Variants in DLGAP2 observed in about 807,000 individuals in gnomAD.
DLGAP2 encodes DLG associated protein 2.
DLGAP2 carries 26 observed loss-of-function variants against 100.3 expected under a neutral mutation model. That is an observed-to-expected ratio of 0.26 (90% confidence interval 0.19 to 0.36). The LOEUF (loss-of-function observed/expected upper bound fraction) is 0.36, where lower values mean the gene tolerates loss of function less well. Among genes scored for constraint, DLGAP2 ranks in the 10% least tolerant of loss-of-function variants. DLGAP2 has a pLI of 1.00. For missense variants in DLGAP2, 1,858 were observed against 1,453.2 expected (o/e 1.28, Z -4.53); for synonymous variants, 886 against 630.1 (o/e 1.41, Z -6.08).
intron 2 of DLGAP2, among the ~76,000 whole-genome samples, chr8:1,179,146 G>A (rs1257813080): frequency 2.0e-5 from 3 of 152,098 alleles, no homozygotes; most frequent in Admixed American, 6.5e-5. Context: ...GTGTTTCAGG[G>A]ACTTAATTTC....
intron 2 of DLGAP2, among the ~76,000 whole-genome samples, chr8:1,107,799 T>A (rs1804825884): frequency 6.6e-6 from 1 of 152,224 alleles, no homozygotes; most frequent in Admixed American, 6.5e-5. Flanking sequence ...CATCCTATGC[T>A]GTGTTTCCAC....
At chr8:912,225 G>A (rs1008121317) in intron 2 of DLGAP2, among the ~76,000 whole-genome samples, 5 of 152,114 alleles carry the variant, frequency 3.3e-5, no homozygotes, top group African/African-American at 7.2e-5. Flanking sequence ...TCAAGCATGC[G>A]GGAGTACTAT....
At chr8:1,030,213 C>G (rs749334324) in intron 2 of DLGAP2, among the ~76,000 whole-genome samples, 4 of 152,148 alleles carry the variant, frequency 2.6e-5, no homozygotes, top group Non-Finnish European at 5.9e-5. Context: ...AATGAGCGTA[C>G]CTGAGATCCA....
rs146198202 is a variant in DLGAP2 at position 1,198,134 on chromosome 8, G to T, written c.74-60717G>T. Among the ~76,000 whole-genome samples, 541 of 152,202 alleles carry T rather than the reference G, an allele frequency of 3.6e-3. 5 individuals carry two copies. Among genetic ancestry groups the T allele is most frequent in the African/African-American group, 0.012 (480 of 41,532 alleles). On this transcript the variant is annotated intron_variant, in intron 2 of 14. Coordinates refer to ENST00000637795, the MANE Select transcript of DLGAP2 (RefSeq NM_001346810.2). The stretch of plus-strand genomic sequence containing the variant: ...CGTGTGTGCGTGTGTGCGTGTGGGT[G>T]TGTGGACGTAGACTCCCACACAGGC...
At chr8:1,683,852 ATATATGTGTGTGTGTGTGTG>A (rs1269839418) in intron 12 of DLGAP2, among the ~76,000 whole-genome samples, 2 of 72,600 alleles carry the variant, frequency 2.8e-5, no homozygotes, top group Non-Finnish European at 4.6e-5. Context: ...ATATATATAT[ATATATGTGTGTGTGTGTGTG>A]TGTGTGTGTG....
chr8:1,390,425 A>G (rs1796322501), intron 3 of DLGAP2, among the ~76,000 whole-genome samples: 1 of 152,198 alleles, frequency 6.6e-6, no homozygotes, highest in Non-Finnish European at 1.5e-5. Flanking sequence ...CATAAAATGA[A>G]ACAGATGGCC....
At chr8:1,340,398 C>A (rs1475850377) in intron 3 of DLGAP2, among the ~76,000 whole-genome samples, 2 of 152,108 alleles carry the variant, frequency 1.3e-5, no homozygotes, top group African/African-American at 2.4e-5. Flanking sequence ...AAGAAAAAAA[C>A]CATTAAAAAG....
chr8:1,410,398 A>G (rs1330038544), intron 3 of DLGAP2, among the ~76,000 whole-genome samples: 1 of 152,152 alleles, frequency 6.6e-6, no homozygotes, highest in East Asian at 1.9e-4. Context: ...ACCCCTTTGA[A>G]ATACTCGCTG....
chr8:1,114,820 A>T (rs1211858041), intron 2 of DLGAP2, among the ~76,000 whole-genome samples: 2 of 152,020 alleles, frequency 1.3e-5, no homozygotes, highest in Non-Finnish European at 2.9e-5. Flanking sequence ...CAACTTTTTG[A>T]TGTGGCATTT....
chr8:840,949 A>G (rs1353841644), intron 1 of DLGAP2, among the ~76,000 whole-genome samples: 2 of 152,208 alleles, frequency 1.3e-5, no homozygotes. Flanking sequence ...CCTTTCATCC[A>G]GGGACGCTGT....
rs1392251138 is a variant in DLGAP2 at position 1,565,776 on chromosome 8, A to G, written c.1324A>G (p.Met442Val). Residue 442 changes from methionine (M) to valine (V), a missense_variant, in exon 6 of 15, where the codon ATG becomes GTG. Transcript: ENST00000637795. ...RMRSGSYIKAMGDEESGESDS... is the reference protein window; with the variant it reads ...RMRSGSYIKAVGDEESGESDS... ...GAGAAGTGGGAGTTACATTAAAGCC[A>G]TGGGGGACGAGGAGAGCGGAGAGTC... 3 of 1,613,836 alleles carry G rather than the reference A, an allele frequency of 1.9e-6. No individual in the cohort carries two copies. The highest frequency in any genetic ancestry group is 3.3e-4 in the Middle Eastern group (2 of 6,084).
rs527430517 is a variant in DLGAP2, at chr8:1,073,461, G to A, written c.73+165495G>A. Reference sequence around the variant, plus strand: ...GCCTTGGAAATACAGACATGGATATGTAACTCAGAAAAAATATACTTGCTC... The same window carrying A: ...GCCTTGGAAATACAGACATGGATATATAACTCAGAAAAAATATACTTGCTC... On this transcript the variant is annotated intron_variant, in intron 2 of 14. Transcript: ENST00000637795. 1.2e-4 allele frequency among the ~76,000 whole-genome samples: 18 copies of A among 152,292 alleles called. No homozygotes were observed. The South Asian group carries it at 3.3e-3, about 28-fold the overall frequency.
intron 2 of DLGAP2, among the ~76,000 whole-genome samples, chr8:1,101,600 G>T (rs1055014117): frequency 6.6e-6 from 1 of 152,090 alleles, no homozygotes; most frequent in African/African-American, 2.4e-5. Context: ...ATGGTGACAC[G>T]ACAATGGGAA....
chr8:1,074,472 C>T (rs1196077761), intron 2 of DLGAP2, among the ~76,000 whole-genome samples: 1 of 152,226 alleles, frequency 6.6e-6, no homozygotes, highest in Non-Finnish European at 1.5e-5. Flanking sequence ...TACAGAAACC[C>T]TTTCATGTGG....
chr8:1,674,875 A>G (rs934468796), intron 10 of DLGAP2, among the ~76,000 whole-genome samples: 4 of 152,260 alleles, frequency 2.6e-5, no homozygotes, highest in Non-Finnish European at 5.9e-5. Context: ...CTCCATATGT[A>G]CAGACATGGA....
chr8:1,519,327 A>G (rs763848858), intron 4 of DLGAP2, among the ~76,000 whole-genome samples: 2 of 152,146 alleles, frequency 1.3e-5, no homozygotes, highest in African/African-American at 2.4e-5. Context: ...AAAAAAATCT[A>G]AACATGTGCT....
chr8:1,492,262 A>C (rs1250191099), intron 3 of DLGAP2, among the ~76,000 whole-genome samples: 1 of 152,236 alleles, frequency 6.6e-6, no homozygotes, highest in Non-Finnish European at 1.5e-5. Context: ...GCTGCGAGTG[A>C]AATGGAGGAG....
chr8:1,325,370 G>A (rs1427311242), intron 3 of DLGAP2, among the ~76,000 whole-genome samples: 1 of 152,158 alleles, frequency 6.6e-6, no homozygotes, highest in African/African-American at 2.4e-5. Context: ...TGCAGGGGGC[G>A]TCCTCCCACC....
intron 3 of DLGAP2, among the ~76,000 whole-genome samples, chr8:1,303,722 C>T (rs780457062): frequency 6.6e-6 from 1 of 152,108 alleles, no homozygotes; most frequent in Non-Finnish European, 1.5e-5. Context: ...GGTGCTTCCT[C>T]CCAGGCATTT....
Sources: gnomAD v4.1 joint callset for allele counts (sites outside exome capture counted in the v4.1 genomes callset) on GRCh38, gnomAD v4.1.1 for gene constraint, MANE v1.5 for transcripts, NCBI Gene and HGNC (gene_info 2026-07-23, HGNC 2026-07-21) for gene names.